Variants in TAFA5 observed in about 807,000 individuals in gnomAD.
TAFA5 encodes chemokine-like protein TAFA-5.
In TAFA5, 6 loss-of-function variants were observed where a neutral mutation model predicts 15.3. The observed-to-expected ratio is 0.39, with a 90% CI of 0.21 to 0.77. The LOEUF is 0.77. Ranked by LOEUF, TAFA5 falls within the 30% of genes least tolerant of loss-of-function variation. TAFA5 has a pLI of 0.41. For missense variants in TAFA5, 161 were observed against 193.1 expected, an observed-to-expected ratio of 0.83 and a Z score of 0.98; for synonymous variants, 103 against 80.7, an observed-to-expected ratio of 1.28 and a Z score of -1.48.
At chr22:48,650,434 G>A (rs962634540) in intron 2 of TAFA5, among the ~76,000 whole-genome samples, 17 of 152,160 alleles carry the variant, frequency 1.1e-4, no homozygotes, top group South Asian at 1.0e-3. Context: ...CTGCAGGTGC[G>A]GGAATTCAGA....
chr22:48,748,507 T>C (rs1930391707), intron 3 of TAFA5, among the ~76,000 whole-genome samples: 1 of 151,940 alleles, frequency 6.6e-6, no homozygotes, highest in African/African-American at 2.4e-5. Context: ...GGAAGCCAGG[T>C]TGGGAAGGCG....
Position 48,576,614 on chromosome 22 carries a change from C to G in TAFA5, c.113-69983C>G, listed in dbSNP as rs771367070. The G allele has an allele frequency of 4.4e-6, 6 of 1,354,650 alleles. No individual in the cohort carries two copies. The South Asian group carries it at 1.1e-4, about 25-fold the overall frequency. The allele number at this position is 1,354,650 out of a possible 1,614,324, so 83.9% of individuals were successfully genotyped here. On this transcript the variant is annotated intron_variant, in intron 1 of 3. Transcript: ENST00000402357. ...CGCGGACCGGTCCTCCGCGCTCTGC[C>G]CGGCTCGCGGCGGCTCCGGCGCCCG... is the stretch of plus-strand genomic sequence containing the variant.
intron 2 of TAFA5, among the ~76,000 whole-genome samples, chr22:48,652,818 GCTTAGGGGC>G (rs537183849): frequency 0.8 from 122,198 of 152,116 alleles, 49,315 homozygotes; most frequent in East Asian, 0.98. Context: ...CCTCTCCACT[GCTTAGGGGC>G]ATGGACATGT....
At chr22:48,724,532 CA>C (rs1929661913) in intron 3 of TAFA5, among the ~76,000 whole-genome samples, 1 of 152,236 alleles carries the variant, frequency 6.6e-6, no homozygotes, top group South Asian at 2.1e-4. Flanking sequence ...ACTCCTTGCA[CA>C]GCCTCTGCCC....
intron 3 of TAFA5, among the ~76,000 whole-genome samples, chr22:48,743,724 C>A (rs902022579): frequency 7.9e-5 from 12 of 152,224 alleles, no homozygotes; most frequent in Non-Finnish European, 1.5e-4. Context: ...AATCTGCCAG[C>A]CCAGCTGTGT....
intron 1 of TAFA5, among the ~76,000 whole-genome samples, chr22:48,613,209 C>T (rs953781907): frequency 6.6e-6 from 1 of 152,214 alleles, no homozygotes; most frequent in African/African-American, 2.4e-5. Context: ...CCGTATTCCT[C>T]CTTCCTCCCT....
At chr22:48,736,060 A>G (rs1601706901) in intron 3 of TAFA5, among the ~76,000 whole-genome samples, 2 of 79,278 alleles carry the variant, frequency 2.5e-5, no homozygotes, top group Admixed American at 1.2e-4. Flanking sequence ...CCCAGGAGGA[A>G]TGAGAATCGC....
intron 2 of TAFA5, among the ~76,000 whole-genome samples, chr22:48,701,348 C>G (rs2147246346): frequency 6.6e-6 from 1 of 152,316 alleles, no homozygotes; most frequent in Non-Finnish European, 1.5e-5. Context: ...CCAGGGAGGG[C>G]TCTCCTCTAA....
At chr22:48,624,489 C>A (rs958801831) in intron 1 of TAFA5, among the ~76,000 whole-genome samples, 19 of 152,200 alleles carry the variant, frequency 1.2e-4, no homozygotes, top group Non-Finnish European at 2.5e-4. Context: ...TGCGTTTTCT[C>A]CCCATTTCGT....
chr22:48,588,360 C>T (rs1346326844), intron 1 of TAFA5, among the ~76,000 whole-genome samples: 3 of 152,180 alleles, frequency 2.0e-5, no homozygotes, highest in East Asian at 1.9e-4. Context: ...GGCGGCCGCC[C>T]GAGAACCAGG....
At chr22:48,592,520 G>A (rs1924607353) in intron 1 of TAFA5, among the ~76,000 whole-genome samples, 1 of 152,202 alleles carries the variant, frequency 6.6e-6, no homozygotes, top group Non-Finnish European at 1.5e-5. Context: ...TCCCCCTCCT[G>A]CTGTCCCAGC....
intron 2 of TAFA5, among the ~76,000 whole-genome samples, chr22:48,652,095 C>G (rs1337605264): frequency 6.6e-6 from 1 of 152,236 alleles, no homozygotes; most frequent in Non-Finnish European, 1.5e-5. Flanking sequence ...TTCTGAGAGG[C>G]TGGGCACAGC....
rs74897479 is a variant in TAFA5 at position 48,506,775 on chromosome 22, G to A, written c.112+17071G>A. On this transcript the variant is annotated intron_variant, in intron 1 of 3. Transcript: ENST00000402357. Reference sequence around the variant, plus strand: ...GTGACCTCTTCCGGCCATGGCAGGCGGGGGTCCCCAACCACCAGGATGGTG... The same window carrying A: ...GTGACCTCTTCCGGCCATGGCAGGCAGGGGTCCCCAACCACCAGGATGGTG... 4.9e-3 allele frequency among the ~76,000 whole-genome samples: 753 copies of A among 152,320 alleles called. 4 individuals carry two copies. The highest frequency in any genetic ancestry group is 0.017 in the African/African-American group (712 of 41,582).
In TAFA5 at chr22:48,567,544, G is replaced by A. The variant is rs532332950; in HGVS notation, c.112+77840G>A. On this transcript the variant is annotated intron_variant, in intron 1 of 3. Transcript: ENST00000402357. ...GAGTCCCTGCGGTTGCTGTGGGCGGGGATTGGTGGGCATGGCTGGCAGGGC... is the reference window on the plus strand; with the variant it reads ...GAGTCCCTGCGGTTGCTGTGGGCGGAGATTGGTGGGCATGGCTGGCAGGGC... Among the ~76,000 whole-genome samples, 10 of 152,348 alleles carry A rather than the reference G, an allele frequency of 6.6e-5. No individual in the cohort carries two copies. In the South Asian group the frequency reaches 8.3e-4, roughly 13 times the overall value.
intron 1 of TAFA5, among the ~76,000 whole-genome samples, chr22:48,629,628 G>A (rs1034475349): frequency 2.0e-5 from 3 of 152,202 alleles, no homozygotes; most frequent in African/African-American, 4.8e-5. Flanking sequence ...ACTAGAGATG[G>A]TTTTGCCCCT....
chr22:48,640,675 C>T (rs112151594), intron 1 of TAFA5, among the ~76,000 whole-genome samples: 2,708 of 152,264 alleles, frequency 0.018, 83 homozygotes, highest in African/African-American at 0.062. Flanking sequence ...AGATGGTGCC[C>T]GGCTCACACC....
intron 1 of TAFA5, among the ~76,000 whole-genome samples, chr22:48,506,629 TGC>T (rs1569161764): frequency 6.6e-6 from 1 of 152,126 alleles, no homozygotes; most frequent in Non-Finnish European, 1.5e-5. Flanking sequence ...TCCTCACCTG[TGC>T]TACCAGGATG....
intron 3 of TAFA5, among the ~76,000 whole-genome samples, chr22:48,736,803 T>G (rs552415724): frequency 5.3e-5 from 8 of 152,284 alleles, no homozygotes; most frequent in African/African-American, 1.9e-4. Context: ...AGAGGCCGAA[T>G]GAAGGCCCGT....
At chr22:48,660,782 C>G (rs1051111603) in intron 2 of TAFA5, among the ~76,000 whole-genome samples, 4 of 152,152 alleles carry the variant, frequency 2.6e-5, no homozygotes, top group Non-Finnish European at 5.9e-5. Flanking sequence ...CTTCTGTCAG[C>G]AGAAGTGAGG....
Sources: allele counts gnomAD v4.1 joint callset (sites outside exome capture counted in the v4.1 genomes callset), GRCh38; gene constraint gnomAD v4.1.1; transcripts MANE v1.5; gene names NCBI Gene and HGNC (gene_info 2026-07-23, HGNC 2026-07-21).